Variants in LIMCH1 observed in about 807,000 individuals in gnomAD.
LIMCH1 encodes the protein LIM and calponin homology domains 1.
LIMCH1 carries 113 observed loss-of-function variants against 176.5 expected under a neutral mutation model. The observed-to-expected ratio is 0.64, with a 90% CI of 0.55 to 0.75. LIMCH1 has a LOEUF of 0.75. Ranked by LOEUF, LIMCH1 falls within the 30% of genes least tolerant of loss-of-function variation. The pLI is 0.00. For missense variants in LIMCH1, 1,674 were observed against 1,814.9 expected (o/e 0.92, Z 1.41); for synonymous variants, 619 against 645.9 (o/e 0.96, Z 0.63).
chr4:41,387,947 T>A (rs1273550142), intron 1 of LIMCH1, among the ~76,000 whole-genome samples: 1 of 152,132 alleles, frequency 6.6e-6, no homozygotes, highest in East Asian at 1.9e-4. Flanking sequence ...CTGCCTCTAC[T>A]AAAAATACAA....
At chr4:41,415,705 C>T (rs182582142) in intron 1 of LIMCH1, among the ~76,000 whole-genome samples, 3 of 152,170 alleles carry the variant, frequency 2.0e-5, no homozygotes, top group East Asian at 1.9e-4. Flanking sequence ...GAACACAGCG[C>T]GGTGGCTCAC....
chr4:41,642,651 C>T (rs2093874546), intron 14 of LIMCH1, among the ~76,000 whole-genome samples: 1 of 151,982 alleles, frequency 6.6e-6, no homozygotes, highest in African/African-American at 2.4e-5. Flanking sequence ...TTCTGCCTCC[C>T]AGGTTCAAGC....
chr4:41,445,954 T>G (rs2063236329), intron 1 of LIMCH1, among the ~76,000 whole-genome samples: 1 of 152,152 alleles, frequency 6.6e-6, no homozygotes. Context: ...TGTGAATGAG[T>G]TCCTAGAGAA....
chr4:41,421,695 G>A (rs2060620319), intron 1 of LIMCH1, among the ~76,000 whole-genome samples: 1 of 152,134 alleles, frequency 6.6e-6, no homozygotes, highest in African/African-American at 2.4e-5. Flanking sequence ...GACTGAAAGT[G>A]TTATTTCCAA....
intron 1 of LIMCH1, among the ~76,000 whole-genome samples, chr4:41,590,481 C>A (rs2087323271): frequency 6.6e-6 from 1 of 152,096 alleles, no homozygotes; most frequent in Admixed American, 6.5e-5. Context: ...AAGCTAGGAT[C>A]CCAGGACTCC....
rs892481034 is a variant in LIMCH1 at position 41,409,008 on chromosome 4, G to C, written c.96+48072G>C. On this transcript the variant is annotated intron_variant, in intron 1 of 26. Coordinates refer to the LIMCH1 transcript ENST00000313860. ...ATTTGCAGCTATATCCTGATTTGAA[G>C]TAGTTTATAAAATTTGCTCATCCTG... 3.9e-5 allele frequency among the ~76,000 whole-genome samples: 6 copies of C among 152,190 alleles called. No individual in the cohort carries two copies. The East Asian group carries it at 1.2e-3, about 29-fold the overall frequency.
intron 3 of LIMCH1, among the ~76,000 whole-genome samples, chr4:41,527,978 A>T (rs1312459384): frequency 6.6e-6 from 1 of 152,220 alleles, no homozygotes; most frequent in African/African-American, 2.4e-5. Context: ...TGAGACAATT[A>T]GGGAAATTTG....
Position 41,698,993 on chromosome 4 carries a change from G to T in LIMCH1, c.*1808G>T, listed in dbSNP as rs1064973. On this transcript the variant is annotated 3_prime_UTR_variant, in exon 32 of 32. Coordinates refer to ENST00000503057, the MANE Select transcript of LIMCH1 (RefSeq NM_001330672.2). Reference sequence around the variant, plus strand: ...ACAGGAAAAAATAAAAATAAAAAAAGAAAAAAAGAAAAAATTAAAAAGAAA... The same window carrying T: ...ACAGGAAAAAATAAAAATAAAAAAATAAAAAAAGAAAAAATTAAAAAGAAA... 0.07 allele frequency: 10,616 copies of T among 151,544 alleles called. 397 individuals are homozygous for T. Among genetic ancestry groups the T allele is most frequent in the African/African-American group, 0.1 (4,191 of 41,004 alleles). The allele number at this position is 151,544 out of a possible 1,614,324, so 9.4% of individuals were successfully genotyped here.
At chr4:41,426,825 G>A (rs1013490638) in intron 1 of LIMCH1, among the ~76,000 whole-genome samples, 6 of 152,220 alleles carry the variant, frequency 3.9e-5, no homozygotes, top group East Asian at 3.8e-4. Context: ...TACAGTTGAC[G>A]TGGGTTTTCC....
chr4:41,668,185 T>C (rs542298083), intron 21 of LIMCH1, among the ~76,000 whole-genome samples: 2 of 152,214 alleles, frequency 1.3e-5, no homozygotes, highest in Non-Finnish European at 2.9e-5. Context: ...CTATTATTGA[T>C]GTTTGGCAGA....
chr4:41,448,349 GA>G (rs1382889071), intron 1 of LIMCH1, among the ~76,000 whole-genome samples: 11 of 152,132 alleles, frequency 7.2e-5, no homozygotes, highest in Admixed American at 7.2e-4. Context: ...ATGTCTGATT[GA>G]GAAGGCTCGA....
intron 1 of LIMCH1, among the ~76,000 whole-genome samples, chr4:41,491,999 G>A (rs2071149685): frequency 6.6e-6 from 1 of 152,244 alleles, no homozygotes; most frequent in South Asian, 2.1e-4. Context: ...CCTAGACGGG[G>A]TGGCGGGCAG....
At chr4:41,574,936 C>T (rs1584342383) in intron 1 of LIMCH1, among the ~76,000 whole-genome samples, 1 of 152,158 alleles carries the variant, frequency 6.6e-6, no homozygotes, top group East Asian at 1.9e-4. Flanking sequence ...TCTTGGAGGG[C>T]TGTTGTGAGA....
chr4:41,459,309 T>G (rs1561438329), intron 1 of LIMCH1, among the ~76,000 whole-genome samples: 3 of 151,996 alleles, frequency 2.0e-5, no homozygotes, highest in Non-Finnish European at 2.9e-5. Flanking sequence ...GTCCCTTCCT[T>G]CCTTCTTTTT....
At chr4:41,416,095 T>G (rs2059912160) in intron 1 of LIMCH1, among the ~76,000 whole-genome samples, 1 of 152,184 alleles carries the variant, frequency 6.6e-6, no homozygotes, top group African/African-American at 2.4e-5. Flanking sequence ...GTTGAGTGAT[T>G]GTGTGACCAG....
chr4:41,633,816 A>G lies in LIMCH1; in HGVS notation c.2090+8A>G, dbSNP rs10015266. The stretch of plus-strand genomic sequence containing the variant: ...ACCCATGAAAGATCAGAGGTCAGAA[A>G]GTTATTCTGTGCCCTTGTGACTTTG... On this transcript the variant is annotated splice_region_variant and intron_variant, in intron 13 of 31. Coordinates refer to ENST00000503057, the MANE Select transcript of LIMCH1 (RefSeq NM_001330672.2). 0.089 allele frequency: 135,975 copies of G among 1,533,816 alleles called. 11,000 individuals are homozygous for G. The highest frequency in any genetic ancestry group is 0.42 in the African/African-American group (31,008 of 73,000).
intron 23 of LIMCH1, 129 bp from the exon 24 acceptor site, chr4:41,679,877 A>G (rs1585816657): frequency 3.3e-6 from 2 of 611,762 alleles, no homozygotes; most frequent in East Asian, 5.9e-5. Context: ...GCATGAATCA[A>G]TTAAATTCAG....
intron 1 of LIMCH1, among the ~76,000 whole-genome samples, chr4:41,376,038 C>T (rs1006095474): frequency 3.7e-4 from 57 of 152,164 alleles, no homozygotes; most frequent in African/African-American, 1.3e-3. Context: ...GAACATTTGC[C>T]CTTGACATGA....
In LIMCH1 at chr4:41,671,581, C is replaced by A; in HGVS notation, c.3425C>A (p.Pro1142His). ...QVDSPSSEKS[P>H]VMTPFKFWAW... ...GATTCTCCAAGCAGTGAGAAGTCAC[C>A]TGTTATGACACCTGTAAGTCACTCA... The change falls in exon 22 of 32, where the codon CCT becomes CAT. Residue 1142 changes from proline (P) to histidine (H), a missense_variant. Coordinates refer to ENST00000503057, the MANE Select transcript of LIMCH1 (RefSeq NM_001330672.2). 1 of 1,601,940 alleles carries A rather than the reference C, an allele frequency of 6.2e-7. No homozygotes were observed. The highest frequency in any genetic ancestry group is 8.6e-7 in the Non-Finnish European group (1 of 1,169,544).
Sources: gnomAD v4.1 joint callset for allele counts (sites outside exome capture counted in the v4.1 genomes callset) on GRCh38, gnomAD v4.1.1 for gene constraint, MANE v1.5 for transcripts, NCBI Gene and HGNC (gene_info 2026-07-23, HGNC 2026-07-21) for gene names.